SLC1A2: variants seen among roughly 807,000 people sequenced by gnomAD.
SLC1A2 encodes the protein excitatory amino acid transporter 2.
SLC1A2 carries 15 observed loss-of-function variants against 48.8 expected under a neutral mutation model. That is an observed-to-expected ratio of 0.31 (90% confidence interval 0.21 to 0.47). The LOEUF (loss-of-function observed/expected upper bound fraction) is 0.47, where lower values mean the gene tolerates loss of function less well. SLC1A2 is among the 20% of genes least tolerant of loss of function. The pLI is 0.99. For missense variants in SLC1A2, 502 were observed against 730.5 expected (o/e 0.69, Z 3.61); for synonymous variants, 279 against 272.6 (o/e 1.02, Z -0.23).
rs1591418781 is a variant in SLC1A2 at position 35,278,882 on chromosome 11, G to A, written c.1421+1985C>T. ...AAAAATACAAAAATTAGCCGGGTGT[G>A]GTGGCACATGCCTGTAGTCCCAGCT... is the stretch of plus-strand genomic sequence containing the variant. On this transcript the variant is annotated intron_variant, in intron 9 of 10. Transcript: ENST00000278379. 2.0e-5 allele frequency among the ~76,000 whole-genome samples: 3 copies of A among 152,252 alleles called. No individual in the cohort carries two copies. In the South Asian group the frequency reaches 6.2e-4, roughly 32 times the overall value.
intron 9 of SLC1A2, among the ~76,000 whole-genome samples, chr11:35,276,470 A>G (rs1405014877): frequency 6.6e-6 from 1 of 151,964 alleles, no homozygotes; most frequent in Non-Finnish European, 1.5e-5. Flanking sequence ...AAAAAAATTC[A>G]GCCAACTCCC....
intron 1 of SLC1A2, among the ~76,000 whole-genome samples, chr11:35,333,725 G>A (rs1201928048): frequency 9.9e-5 from 15 of 151,778 alleles, no homozygotes; most frequent in African/African-American, 2.4e-5. Context: ...GCAGAGGCAC[G>A]ATCTCAGCTC....
chr11:35,264,007 A>T lies in SLC1A2; in HGVS notation c.1653+1520T>A, dbSNP rs74679622. 2.6e-4 allele frequency: 40 copies of T among 152,306 alleles called. No individual in the cohort carries two copies. The East Asian group carries it at 7.7e-3, about 29-fold the overall frequency. 9.4% of individuals were successfully genotyped at this position (152,306 alleles called of 1,614,324 possible). A position where few individuals can be genotyped will look rare whatever the true frequency, so the allele number is the denominator to read the frequency against. On this transcript the variant is annotated intron_variant, in intron 10 of 10. Transcript: ENST00000278379. The stretch of plus-strand genomic sequence containing the variant: ...TGATGGGGAATAATCCAGCACATTC[A>T]CTCAGATGTGGGAAACACCAGCTTT...
intron 6 of SLC1A2, among the ~76,000 whole-genome samples, chr11:35,300,262 T>C (rs562767843): frequency 6.6e-6 from 1 of 152,338 alleles, no homozygotes; most frequent in East Asian, 1.9e-4. Flanking sequence ...ATAATCATCT[T>C]AGGCAAGTTA....
chr11:35,255,261 T>G lies in SLC1A2; in HGVS notation c.*5633A>C, dbSNP rs191130268. 2.3e-3 allele frequency: 387 copies of G among 166,524 alleles called. 2 individuals are homozygous for G. The highest frequency in any genetic ancestry group is 8.7e-3 in the African/African-American group (361 of 41,710). The allele number at this position is 166,524 out of a possible 1,614,324, so 10.3% of individuals were successfully genotyped here. On this transcript the variant is annotated 3_prime_UTR_variant, in exon 11 of 11. Coordinates refer to ENST00000278379, the MANE Select transcript of SLC1A2 (RefSeq NM_004171.4). Reference sequence around the variant, plus strand: ...GTGCCAGAAAGTGCAAGAGGTTGTTTAAAGATCATGGCTGGTGACATGGAC... The same window carrying G: ...GTGCCAGAAAGTGCAAGAGGTTGTTGAAAGATCATGGCTGGTGACATGGAC...
chr11:35,376,851 CAAT>C (rs1374164677), intron 1 of SLC1A2, among the ~76,000 whole-genome samples: 1 of 152,204 alleles, frequency 6.6e-6, no homozygotes, highest in Non-Finnish European at 1.5e-5. Context: ...CTCATATCCT[CAAT>C]GTCGCTATTC....
intron 1 of SLC1A2, among the ~76,000 whole-genome samples, chr11:35,360,915 GC>G (rs1164933013): frequency 5.3e-5 from 8 of 151,056 alleles, no homozygotes; most frequent in Non-Finnish European, 7.4e-5. Flanking sequence ...TCATTCTGTT[GC>G]CCACGCTGGA....
At chr11:35,300,816 G>C (rs960109262) in intron 6 of SLC1A2, among the ~76,000 whole-genome samples, 2 of 152,136 alleles carry the variant, frequency 1.3e-5, no homozygotes, top group Admixed American at 1.3e-4. Context: ...AGAAGTTTGA[G>C]ATCAGCCTGG....
intron 1 of SLC1A2, among the ~76,000 whole-genome samples, chr11:35,396,338 G>A (rs1168426684): frequency 6.4e-5 from 8 of 124,998 alleles, no homozygotes; most frequent in Admixed American, 2.4e-4. Context: ...TCCAGCACCT[G>A]TTGTTTCCTG....
At chr11:35,303,950 C>G (rs528057153) in intron 5 of SLC1A2, among the ~76,000 whole-genome samples, 4 of 152,274 alleles carry the variant, frequency 2.6e-5, no homozygotes, top group African/African-American at 9.6e-5. Flanking sequence ...CTCAGAAGAC[C>G]GTGGAAAGAA....
intron 6 of SLC1A2, among the ~76,000 whole-genome samples, chr11:35,293,933 C>T (rs1014660244): frequency 6.6e-6 from 1 of 152,140 alleles, no homozygotes; most frequent in Non-Finnish European, 1.5e-5. Context: ...TATGTCAAGG[C>T]TCAGAGCGGC....
intron 1 of SLC1A2, among the ~76,000 whole-genome samples, chr11:35,395,079 C>T (rs11033110): frequency 0.14 from 20,722 of 151,844 alleles, 1,509 homozygotes; most frequent in Admixed American, 0.17. Flanking sequence ...GGAACACCCC[C>T]CAATGAACAA....
At chr11:35,386,346 G>GA (rs914912210) in intron 1 of SLC1A2, among the ~76,000 whole-genome samples, 11 of 149,924 alleles carry the variant, frequency 7.3e-5, no homozygotes, top group East Asian at 3.9e-4. Context: ...TATTGTGCCA[G>GA]AAAAAAAAAG....
intron 1 of SLC1A2, among the ~76,000 whole-genome samples, chr11:35,351,261 C>T (rs924468275): frequency 5.9e-5 from 9 of 152,224 alleles, no homozygotes; most frequent in Non-Finnish European, 2.9e-5. Context: ...GCTTTACTTA[C>T]GAGCCCATGC....
At chr11:35,350,108 A>T (rs1386299164) in intron 1 of SLC1A2, among the ~76,000 whole-genome samples, 1 of 152,206 alleles carries the variant, frequency 6.6e-6, no homozygotes, top group East Asian at 1.9e-4. Flanking sequence ...CACATGGTAT[A>T]TATTCAATAC....
chr11:35,303,570 T>C (rs1447585276), intron 5 of SLC1A2, among the ~76,000 whole-genome samples: 1 of 152,196 alleles, frequency 6.6e-6, no homozygotes, highest in African/African-American at 2.4e-5. Context: ...TCAATCTGAA[T>C]ATTCTGGCTG....
chr11:35,317,447 C>T lies in SLC1A2; in HGVS notation c.87G>A (p.Lys29=). 1 of 1,614,194 alleles carries T rather than the reference C, an allele frequency of 6.2e-7. No individual in the cohort carries two copies. The change falls in exon 2 of 11, where the codon AAG becomes AAA. Residue 29 remains lysine (K), a synonymous_variant. Transcript: ENST00000278379. ...HDSHLGSEEP[K]HRHLGLRLCD... is the part of the protein sequence containing the mutation. ...ACAGGCGCAGGCCCAGGTGCCGGTG[C>T]TTGGGTTCCTCTGAGCCAAGATGAC...
intron 1 of SLC1A2, among the ~76,000 whole-genome samples, chr11:35,392,116 C>T (rs1044077531): frequency 1.3e-5 from 2 of 151,754 alleles, no homozygotes; most frequent in South Asian, 2.1e-4. Flanking sequence ...TGTTTGTGCA[C>T]GTGTGTGTGT....
intron 6 of SLC1A2, among the ~76,000 whole-genome samples, chr11:35,294,646 G>C (rs538047148): frequency 6.6e-6 from 1 of 152,290 alleles, no homozygotes; most frequent in Admixed American, 6.5e-5. Context: ...GCTGTTTGGG[G>C]TGCCATTCAA....
Sources: gnomAD v4.1 joint callset for allele counts (sites outside exome capture counted in the v4.1 genomes callset) on GRCh38, gnomAD v4.1.1 for gene constraint, MANE v1.5 for transcripts, NCBI Gene and HGNC (gene_info 2026-07-23, HGNC 2026-07-21) for gene names.